LRRC40: variants seen among roughly 807,000 people sequenced by gnomAD.
LRRC40 encodes the protein leucine rich repeat containing 40, also known as leucine-rich repeat-containing protein 40.
In LRRC40, 76 loss-of-function variants were observed where a neutral mutation model predicts 72.8. The ratio of observed to expected loss-of-function variants is 1.04; its 90% confidence interval spans 0.87 to 1.26. The LOEUF (loss-of-function observed/expected upper bound fraction) is 1.26. Ranked by LOEUF, LRRC40 falls within the 50% of genes most tolerant of loss-of-function variation. The pLI is 0.00. For missense variants in LRRC40, 684 were observed against 698.9 expected, an observed-to-expected ratio of 0.98 and a Z score of 0.24; for synonymous variants, 243 against 254.2, an observed-to-expected ratio of 0.96 and a Z score of 0.42.
At chr1:70,161,617 G>C (rs1038376466) in intron 9 of LRRC40, among the ~76,000 whole-genome samples, 1 of 151,916 alleles carries the variant, frequency 6.6e-6, no homozygotes, top group African/African-American at 2.4e-5. Flanking sequence ...TGGAGGGCAT[G>C]ATGGGTGATT....
At chr1:70,173,569 C>T (rs1668042570) in intron 8 of LRRC40, 53 bp downstream of exon 8, 1 of 1,490,756 alleles carries the variant, frequency 6.7e-7, no homozygotes, top group Non-Finnish European at 9.3e-7. Context: ...TACAGATCAA[C>T]ATATATGTCT....
intron 12 of LRRC40, among the ~76,000 whole-genome samples, chr1:70,152,211 TA>T (rs1245828559): frequency 2.0e-5 from 3 of 152,168 alleles, no homozygotes; most frequent in African/African-American, 7.2e-5. Context: ...ACGTAACTTG[TA>T]AATTGCTTAC....
At chr1:70,146,383 C>A (rs1457041793) in intron 14 of LRRC40, among the ~76,000 whole-genome samples, 1 of 152,018 alleles carries the variant, frequency 6.6e-6, no homozygotes, top group Non-Finnish European at 1.5e-5. Flanking sequence ...AATTAATAAC[C>A]CAAAACATAT....
chr1:70,180,750 T>C (rs1439356678), intron 5 of LRRC40, among the ~76,000 whole-genome samples: 2 of 152,154 alleles, frequency 1.3e-5, no homozygotes, highest in Non-Finnish European at 2.9e-5. Flanking sequence ...TACAACTAAA[T>C]ATCATAGGTA....
intron 11 of LRRC40, among the ~76,000 whole-genome samples, chr1:70,153,965 C>A (rs1170849181): frequency 7.2e-6 from 1 of 138,038 alleles, no homozygotes; most frequent in Non-Finnish European, 1.5e-5. Flanking sequence ...AGAGTGAGAT[C>A]CTGTCTCAAA....
Position 70,181,111 on chromosome 1 carries a change from C to A in LRRC40, c.636G>T (p.Leu212Phe), listed in dbSNP as rs758502134. The A allele has an allele frequency of 9.6e-6, 15 of 1,563,506 alleles. No homozygotes were observed. In the South Asian group the frequency reaches 1.4e-4, roughly 15 times the overall value. The stretch of plus-strand genomic sequence containing the variant: ...TTTTCATTCTATTTATTTCTGCTGG[C>A]AAACTCTTCAGTTCATTACTAGAAA... Reference protein sequence around the residue: ...LNLSSNELKSLPAEINRMKRL... With the variant: ...LNLSSNELKSFPAEINRMKRL... The change falls in exon 5 of 15, where the codon TTG (leucine) becomes TTT (phenylalanine). Residue 212 changes from leucine (L) to phenylalanine (F), a missense_variant. Physicochemically the swap from Leu to Phe is conservative, Grantham distance 22 (BLOSUM62 0). Coordinates refer to ENST00000370952, the MANE Select transcript of LRRC40 (RefSeq NM_017768.5).
chr1:70,186,384 T>C (rs1668359890), intron 3 of LRRC40, among the ~76,000 whole-genome samples: 1 of 152,202 alleles, frequency 6.6e-6, no homozygotes, highest in Non-Finnish European at 1.5e-5. Flanking sequence ...GGGAAGATAC[T>C]GTGATGGAGT....
chr1:70,183,329 T>C (rs1448478994), intron 4 of LRRC40, among the ~76,000 whole-genome samples: 1 of 152,110 alleles, frequency 6.6e-6, no homozygotes, highest in African/African-American at 2.4e-5. Context: ...TATATATTAG[T>C]ACCTTCGATT....
intron 7 of LRRC40, among the ~76,000 whole-genome samples, chr1:70,173,936 T>A (rs1415392020): frequency 6.6e-6 from 1 of 151,986 alleles, no homozygotes; most frequent in African/African-American, 2.4e-5. Context: ...TTTAAAAAAG[T>A]GAGCTATAAA....
intron 10 of LRRC40, 114 bp downstream of exon 10, chr1:70,159,216 A>C (rs1483906933): frequency 2.3e-6 from 1 of 432,370 alleles, no homozygotes; most frequent in Non-Finnish European, 4.1e-6. Flanking sequence ...TAATCCTAGC[A>C]CTTTGAGAGG....
In LRRC40 at chr1:70,183,349, T is replaced by A. The variant is rs1436423763; in HGVS notation, c.537+1436A>T. 3.7e-4 allele frequency among the ~76,000 whole-genome samples: 57 copies of A among 152,030 alleles called. 1 individual carries two copies. ...ATTAGTACCTTCGATTTAATACAGC[T>A]AAAGTCTTTCAGATGGTATAGCCTG... On this transcript the variant is annotated intron_variant, in intron 4 of 14. Transcript: ENST00000370952.
intron 5 of LRRC40, 128 bp from the exon 6 acceptor site, chr1:70,179,121 T>C (rs1047454681): frequency 4.6e-6 from 2 of 436,644 alleles, no homozygotes; most frequent in East Asian, 6.9e-5. Flanking sequence ...TAATCAAGAA[T>C]ATTCAAACAC....
chr1:70,162,678 G>A (rs988313591), intron 9 of LRRC40, among the ~76,000 whole-genome samples: 8 of 152,146 alleles, frequency 5.3e-5, no homozygotes, highest in Non-Finnish European at 1.0e-4. Context: ...AACTGTTACC[G>A]TGCTTCTACT....
intron 5 of LRRC40, among the ~76,000 whole-genome samples, chr1:70,179,304 T>C (rs1424333861): frequency 6.6e-6 from 1 of 151,788 alleles, no homozygotes; most frequent in Admixed American, 6.6e-5. Context: ...CAACATATAG[T>C]GAAACATCGT....
chr1:70,189,465 A>G (rs1164313462), intron 1 of LRRC40, among the ~76,000 whole-genome samples, 192 bp from the exon 2 acceptor site: 1 of 152,218 alleles, frequency 6.6e-6, no homozygotes, highest in Non-Finnish European at 1.5e-5. Context: ...TAAAAAGGCT[A>G]TATATCAATA....
At position 70,199,215 on chromosome 1, in the gene LRRC40, TCACA is replaced by T. The variant is rs3223615; in HGVS notation, c.151+6171_151+6174del. ...AATAGCAGTCAAATTATACATAGTCTCACACACACACACACACACACACACACAC... is the reference window on the plus strand; with the variant it reads ...AATAGCAGTCAAATTATACATAGTCTCACACACACACACACACACACACAC... On this transcript the variant is annotated intron_variant, in intron 1 of 14. Transcript: ENST00000370952. Among the ~76,000 whole-genome samples, 388 of 140,496 alleles carry T rather than the reference TCACA, an allele frequency of 2.8e-3. 5 individuals are homozygous for T. The highest frequency in any genetic ancestry group is 6.0e-3 in the Admixed American group (85 of 14,180). 92.2% of individuals were successfully genotyped at this position (140,496 alleles called of 152,430 possible).
At chr1:70,203,691 T>G (rs951962903) in intron 1 of LRRC40, among the ~76,000 whole-genome samples, 1 of 152,230 alleles carries the variant, frequency 6.6e-6, no homozygotes, top group African/African-American at 2.4e-5. Flanking sequence ...TTATGACTCC[T>G]GCATAATAAA....
chr1:70,198,542 C>T (rs1474777773), intron 1 of LRRC40, among the ~76,000 whole-genome samples: 1 of 152,202 alleles, frequency 6.6e-6, no homozygotes. Context: ...AAACTGACAA[C>T]ATATTCTCAT....
At chr1:70,203,666 C>T (rs1179096413) in intron 1 of LRRC40, among the ~76,000 whole-genome samples, 2 of 152,116 alleles carry the variant, frequency 1.3e-5, no homozygotes, top group African/African-American at 2.4e-5. Flanking sequence ...CTCATTTAGA[C>T]CTTAATAGGT....
Sources: allele counts gnomAD v4.1 joint callset (sites outside exome capture counted in the v4.1 genomes callset), GRCh38; gene constraint gnomAD v4.1.1; transcripts MANE v1.5; gene names NCBI Gene and HGNC (gene_info 2026-07-23, HGNC 2026-07-21).